The following GABRG3 variants were observed in gnomAD, a reference collection of about 807,000 sequenced individuals.
The protein encoded by GABRG3 is gamma-aminobutyric acid type A receptor subunit gamma3.
In GABRG3, 25 loss-of-function variants were observed where a neutral mutation model predicts 48.8. The observed-to-expected ratio is 0.51, with a 90% CI of 0.37 to 0.72. The LOEUF (loss-of-function observed/expected upper bound fraction) is 0.72. Ranked by LOEUF, GABRG3 falls within the 30% of genes least tolerant of loss-of-function variation. The pLI, the probability that GABRG3 is intolerant of heterozygous loss-of-function variation, is 0.00. For missense variants in GABRG3, 394 were observed against 577.9 expected, an observed-to-expected ratio of 0.68 and a Z score of 3.26; for synonymous variants, 227 against 217.6, an observed-to-expected ratio of 1.04 and a Z score of -0.38.
chr15:27,520,922 G>A (rs1891146081), intron 7 of GABRG3, among the ~76,000 whole-genome samples: 1 of 151,434 alleles, frequency 6.6e-6, no homozygotes, highest in South Asian at 2.1e-4. Context: ...AAAGCACTGG[G>A]CCTGGGTAGA....
chr15:27,117,586 G>A (rs903456749), intron 3 of GABRG3, among the ~76,000 whole-genome samples: 3 of 152,160 alleles, frequency 2.0e-5, no homozygotes, highest in African/African-American at 7.2e-5. Flanking sequence ...AAAATGATTG[G>A]CAGATTTCCA....
intron 3 of GABRG3, among the ~76,000 whole-genome samples, chr15:27,200,135 G>A (rs1888634247): frequency 6.6e-6 from 1 of 152,130 alleles, no homozygotes; most frequent in Admixed American, 6.5e-5. Flanking sequence ...GCAACAAGTA[G>A]GATTGTTTAC....
intron 3 of GABRG3, among the ~76,000 whole-genome samples, chr15:27,308,063 T>A (rs903413045): frequency 7.5e-6 from 1 of 134,034 alleles, no homozygotes. Context: ...TAAACATATA[T>A]AAACATATAT....
rs1403617897 is a variant in GABRG3 at position 27,537,812 on chromosome 15, T to A, written c.*4931T>A. 6.7e-6 allele frequency: 1 copy of A among 148,306 alleles called. No individual in the cohort carries two copies. Among genetic ancestry groups the A allele is most frequent in the African/African-American group, 2.5e-5 (1 of 40,256 alleles). 9.2% of individuals were successfully genotyped at this position (148,306 alleles called of 1,614,324 possible). A position where few individuals can be genotyped will look rare whatever the true frequency, so the allele number is the denominator to read the frequency against. ...GGCAGACTTTCTTTATATTTATTTT[T>A]ATTATTTATTTATTTATTTATTTAT... On this transcript the variant is annotated 3_prime_UTR_variant, in exon 10 of 10. Transcript: ENST00000615808.
chr15:27,466,262 G>A (rs1238732101), intron 5 of GABRG3, among the ~76,000 whole-genome samples: 1 of 152,174 alleles, frequency 6.6e-6, no homozygotes, highest in Non-Finnish European at 1.5e-5. Flanking sequence ...AATCTACAAT[G>A]TCTCTTAATC....
At chr15:27,191,794 C>G (rs965247699) in intron 3 of GABRG3, among the ~76,000 whole-genome samples, 19 of 151,434 alleles carry the variant, frequency 1.3e-4, no homozygotes, top group Admixed American at 7.2e-4. Flanking sequence ...ATCTTGCTCG[C>G]TAGTTGATGC....
Position 27,151,357 on chromosome 15 carries a change from GTTT to G in GABRG3, c.270+124547_270+124549del, listed in dbSNP as rs34016302. Among the ~76,000 whole-genome samples, 879 of 146,192 alleles carry G rather than the reference GTTT, an allele frequency of 6.0e-3. 10 individuals are homozygous for G. The highest frequency in any genetic ancestry group is 0.02 in the African/African-American group (825 of 40,248). ...ACACAGACTGCTACCTTTTGGGACT[GTTT>G]TTTTTTTTTTAATCAACATCTTTCT... is the stretch of plus-strand genomic sequence containing the variant. On this transcript the variant is annotated intron_variant, in intron 3 of 9. Transcript: ENST00000615808.
intron 5 of GABRG3, among the ~76,000 whole-genome samples, chr15:27,361,673 G>C (rs1169163749): frequency 6.6e-6 from 1 of 152,118 alleles, no homozygotes; most frequent in African/African-American, 2.4e-5. Flanking sequence ...AATGAGGGTG[G>C]GTGGTCAACA....
intron 3 of GABRG3, among the ~76,000 whole-genome samples, chr15:27,173,239 C>G (rs1887631337): frequency 6.6e-6 from 1 of 152,076 alleles, no homozygotes; most frequent in South Asian, 2.1e-4. Context: ...TAATTTATTT[C>G]AAAATGTTCT....
chr15:27,418,561 G>C (rs951860648), intron 5 of GABRG3, among the ~76,000 whole-genome samples: 51 of 152,166 alleles, frequency 3.4e-4, no homozygotes, highest in African/African-American at 1.2e-3. Flanking sequence ...AGCCACCCCC[G>C]GCCACAGGCA....
chr15:26,992,801 A>C (rs1895272896), intron 2 of GABRG3, among the ~76,000 whole-genome samples: 1 of 152,026 alleles, frequency 6.6e-6, no homozygotes, highest in African/African-American at 2.4e-5. Flanking sequence ...TAGTTATTTA[A>C]ATATTTGGTA....
intron 5 of GABRG3, among the ~76,000 whole-genome samples, chr15:27,448,805 A>C (rs533475629): frequency 2.3e-4 from 35 of 152,046 alleles, no homozygotes; most frequent in African/African-American, 8.2e-4. Context: ...GTGTGCATGC[A>C]CACACACAAA....
At chr15:27,226,377 G>A (rs936594662) in intron 3 of GABRG3, among the ~76,000 whole-genome samples, 9 of 152,192 alleles carry the variant, frequency 5.9e-5, no homozygotes, top group Non-Finnish European at 8.8e-5. Context: ...CTCCCGGTGA[G>A]CTTGGTCCAG....
intron 5 of GABRG3, chr15:27,350,169 G>A (rs966597021): frequency 3.3e-5 from 15 of 455,800 alleles, no homozygotes; most frequent in African/African-American, 3.0e-4. Context: ...GCATATCGCT[G>A]ACGTTTAAAA....
intron 3 of GABRG3, among the ~76,000 whole-genome samples, chr15:27,185,131 T>C (rs1417390264): frequency 6.6e-6 from 1 of 152,168 alleles, no homozygotes; most frequent in Non-Finnish European, 1.5e-5. Context: ...ATTTAAATTA[T>C]TGATTTGAGA....
chr15:27,418,860 T>G (rs1490585659), intron 5 of GABRG3: 1 of 152,178 alleles, frequency 6.6e-6, no homozygotes, highest in Non-Finnish European at 1.5e-5. Context: ...TAAAACTATT[T>G]AAGTCAGGAC....
rs1887888803 is a variant in GABRG3, at chr15:27,180,313, T to C, written c.271-146496T>C. On this transcript the variant is annotated intron_variant, in intron 3 of 9. Transcript: ENST00000615808. The surrounding 1 kb of genome is among the most constrained non-coding windows in gnomAD (Gnocchi z 4.2). ...CAACTAGAGTAAACGGGCAAATGGC[T>C]TGAGTGAAAGGAAAAAAAAATGAGA... Among the ~76,000 whole-genome samples the C allele has an allele frequency of 3.3e-5, 5 of 152,078 alleles. No homozygotes were observed. In the South Asian group the frequency reaches 1.0e-3, roughly 32 times the overall value.
chr15:27,026,049 G>T (rs1001563424), intron 2 of GABRG3, among the ~76,000 whole-genome samples: 3 of 152,190 alleles, frequency 2.0e-5, no homozygotes, highest in Non-Finnish European at 1.5e-5. Context: ...AAGTGAGCCA[G>T]GGTAGCCTCT....
intron 3 of GABRG3, among the ~76,000 whole-genome samples, chr15:27,185,143 C>T (rs1595572115): frequency 6.6e-6 from 1 of 151,614 alleles, no homozygotes; most frequent in South Asian, 2.1e-4. Context: ...GATTTGAGAC[C>T]TTCTTTCCTA....
Sources: gnomAD v4.1 joint callset for allele counts (sites outside exome capture counted in the v4.1 genomes callset) on GRCh38, gnomAD v4.1.1 for gene constraint, Gnocchi (gnomAD v3.1) non-coding constraint, MANE v1.5 for transcripts, NCBI Gene and HGNC (gene_info 2026-07-23, HGNC 2026-07-21) for gene names.